RGL1: variants seen among roughly 807,000 people sequenced by gnomAD.
The protein encoded by RGL1 is ral guanine nucleotide dissociation stimulator like 1.
Under a neutral mutation model 95.2 loss-of-function variants are expected in RGL1, and 24 were observed. That is an observed-to-expected ratio of 0.25 (90% CI 0.18 to 0.35). The LOEUF is 0.35. RGL1 is among the 10% of genes least tolerant of loss of function. The pLI is 1.00. For synonymous variants in RGL1, 329 were observed against 344.9 expected, an observed-to-expected ratio of 0.95 and a Z score of 0.51; for missense variants, 715 against 936.3, an observed-to-expected ratio of 0.76 and a Z score of 3.08.
At chr1:183,859,632 G>C (rs571824433) in intron 3 of RGL1, among the ~76,000 whole-genome samples, 18 of 152,196 alleles carry the variant, frequency 1.2e-4, no homozygotes, top group African/African-American at 4.3e-4. Context: ...AGGTGAGGAG[G>C]GCAGCTTTTG....
At chr1:183,841,307 G>A (rs1369715579) in intron 2 of RGL1, among the ~76,000 whole-genome samples, 1 of 152,066 alleles carries the variant, frequency 6.6e-6, no homozygotes, top group Non-Finnish European at 1.5e-5. Context: ...CCCAAACATG[G>A]AATGGGACAT....
intron 1 of RGL1, chr1:183,646,340 T>C (rs1314273788): frequency 6.6e-6 from 1 of 152,164 alleles, no homozygotes; most frequent in Non-Finnish European, 1.5e-5. Flanking sequence ...CTAAAATATG[T>C]TTTTCTTTCT....
intron 3 of RGL1, among the ~76,000 whole-genome samples, chr1:183,856,815 T>G (rs1665184107): frequency 6.6e-6 from 1 of 151,990 alleles, no homozygotes; most frequent in Admixed American, 6.6e-5. Context: ...GGTTATAATA[T>G]AGAAAAGAGC....
intron 1 of RGL1, among the ~76,000 whole-genome samples, chr1:183,651,146 A>AT (rs900391223): frequency 1.3e-5 from 2 of 151,884 alleles, no homozygotes; most frequent in African/African-American, 4.8e-5. Context: ...TACTCCTGTG[A>AT]TTTTTTTTCT....
chr1:183,698,030 C>T (rs1654354291), intron 1 of RGL1, among the ~76,000 whole-genome samples: 1 of 152,214 alleles, frequency 6.6e-6, no homozygotes, highest in African/African-American at 2.4e-5. Context: ...CTGCCATGGC[C>T]ACAGCTTCTG....
chr1:183,746,966 C>G (rs970966294), intron 2 of RGL1, among the ~76,000 whole-genome samples: 1 of 152,114 alleles, frequency 6.6e-6, no homozygotes. Flanking sequence ...CATCCATGTC[C>G]CTGCAAAGGA....
chr1:183,764,778 G>A lies in RGL1; in HGVS notation c.132+22489G>A, dbSNP rs76418975. Among the ~76,000 whole-genome samples, 442 of 152,288 alleles carry A rather than the reference G, an allele frequency of 2.9e-3. 4 individuals are homozygous for A. The highest frequency in any genetic ancestry group is 0.01 in the African/African-American group (425 of 41,560). On this transcript the variant is annotated intron_variant, in intron 2 of 18. Transcript: ENST00000304685. ...TAATTTAATACCATAGTTTTCTTCT[G>A]TGATACAATCTTTATGTCTCCAATC...
At chr1:183,655,594 T>C (rs995885005) in intron 1 of RGL1, among the ~76,000 whole-genome samples, 7 of 151,954 alleles carry the variant, frequency 4.6e-5, no homozygotes, top group African/African-American at 1.7e-4. Context: ...AGCACTGGAG[T>C]TGAGACCAAA....
intron 1 of RGL1, among the ~76,000 whole-genome samples, chr1:183,662,107 C>A (rs549081687): frequency 1.6e-3 from 242 of 150,852 alleles, no homozygotes; most frequent in South Asian, 2.3e-3. Flanking sequence ...CAATATCATA[C>A]TTAATGGGCA....
chr1:183,803,079 C>CT (rs1376872422), upstream of RGL1, among the ~76,000 whole-genome samples: 1 of 152,144 alleles, frequency 6.6e-6, no homozygotes, highest in South Asian at 2.1e-4. Context: ...AAGTCTGCCT[C>CT]TTTTTTTGCA....
chr1:183,649,938 A>G (rs1650596047), intron 1 of RGL1, among the ~76,000 whole-genome samples: 1 of 152,070 alleles, frequency 6.6e-6, no homozygotes, highest in South Asian at 2.1e-4. Flanking sequence ...CAGCCTCCCA[A>G]ATAGCTGAGA....
chr1:183,893,514 G>A (rs1667535241), intron 9 of RGL1, among the ~76,000 whole-genome samples: 1 of 152,296 alleles, frequency 6.6e-6, no homozygotes, highest in Non-Finnish European at 1.5e-5. Context: ...TTGAGCTTAG[G>A]GAAGATACTT....
At chr1:183,683,416 G>A (rs529065201) in intron 1 of RGL1, among the ~76,000 whole-genome samples, 6 of 152,240 alleles carry the variant, frequency 3.9e-5, no homozygotes, top group East Asian at 1.9e-4. Context: ...TTTCTCCTTT[G>A]CTTATGAAGC....
At chr1:183,676,008 A>C (rs555579966) in intron 1 of RGL1, among the ~76,000 whole-genome samples, 53 of 152,172 alleles carry the variant, frequency 3.5e-4, no homozygotes, top group East Asian at 1.5e-3. Flanking sequence ...TTAGCTTGGC[A>C]TGGTGATGTG....
At chr1:183,744,336 T>C (rs934723578) in intron 2 of RGL1, among the ~76,000 whole-genome samples, 2 of 150,532 alleles carry the variant, frequency 1.3e-5, no homozygotes, top group Non-Finnish European at 3.0e-5. Flanking sequence ...TTTAAAGAAA[T>C]AAACTCCACA....
intron 1 of RGL1, chr1:183,647,999 G>T: frequency 6.2e-7 from 1 of 1,614,212 alleles, no homozygotes; most frequent in Non-Finnish European, 8.5e-7. Context: ...TGTTTAAGGG[G>T]TAGCTCTCTA....
Position 183,927,679 on chromosome 1 carries a change from T to C in RGL1, c.*1387T>C, listed in dbSNP as rs762811152. 1 of 152,662 alleles carries C rather than the reference T, an allele frequency of 6.6e-6. No individual in the cohort carries two copies. The highest frequency in any genetic ancestry group is 1.5e-5 in the Non-Finnish European group (1 of 68,032). 9.5% of individuals were successfully genotyped at this position (152,662 alleles called of 1,614,324 possible). On this transcript the variant is annotated 3_prime_UTR_variant, in exon 18 of 18. Coordinates refer to ENST00000360851, the MANE Select transcript of RGL1 (RefSeq NM_001297671.3). ...GCTGGGGTTTGAACTAAAAGCCATATGTGGAATATTGACATGTGTAAGAAG... is the reference window on the plus strand; with the variant it reads ...GCTGGGGTTTGAACTAAAAGCCATACGTGGAATATTGACATGTGTAAGAAG...
At chr1:183,772,612 C>CCTT (rs1659340410) in intron 2 of RGL1, among the ~76,000 whole-genome samples, 2 of 152,128 alleles carry the variant, frequency 1.3e-5, no homozygotes, top group African/African-American at 4.8e-5. Flanking sequence ...TGATGGGAAA[C>CCTT]CTTGGTCTAC....
chr1:183,742,930 T>C (rs1191949325), intron 2 of RGL1, among the ~76,000 whole-genome samples: 1 of 152,178 alleles, frequency 6.6e-6, no homozygotes, highest in African/African-American at 2.4e-5. Context: ...ATTAACCAGA[T>C]CATGGAAAGG....
Sources: gnomAD v4.1 joint callset for allele counts (sites outside exome capture counted in the v4.1 genomes callset) on GRCh38, gnomAD v4.1.1 for gene constraint, MANE v1.5 for transcripts, NCBI Gene and HGNC (gene_info 2026-07-23, HGNC 2026-07-21) for gene names.